FUT8: variants seen among roughly 807,000 people sequenced by gnomAD.
FUT8 encodes the protein fucosyltransferase 8.
A neutral mutation model predicts 71.3 loss-of-function variants in FUT8; 29 were observed. The observed-to-expected ratio is 0.41, with a 90% CI of 0.30 to 0.55. The LOEUF is 0.55. FUT8 is among the 20% of genes least tolerant of loss of function. FUT8 has a pLI of 0.34. For missense variants in FUT8, 544 were observed against 702.1 expected, an observed-to-expected ratio of 0.77 and a Z score of 2.55; for synonymous variants, 254 against 239.3, an observed-to-expected ratio of 1.06 and a Z score of -0.57.
chr14:65,407,062 TG>T (rs1377131405), upstream of FUT8, among the ~76,000 whole-genome samples: 1 of 152,234 alleles, frequency 6.6e-6, no homozygotes, highest in African/African-American at 2.4e-5. Flanking sequence ...TCGGTTCATC[TG>T]GGCATGTTCA....
chr14:65,563,004 T>C (rs1341489287), intron 3 of FUT8, among the ~76,000 whole-genome samples: 2 of 152,054 alleles, frequency 1.3e-5, no homozygotes, highest in Non-Finnish European at 1.5e-5. Flanking sequence ...CTTCATAATA[T>C]TATTTGGGTC....
rs377030096 is a variant in FUT8 at position 65,610,641 on chromosome 14, G to A, written c.204-5337G>A. On this transcript the variant is annotated intron_variant, in intron 3 of 10. Coordinates refer to ENST00000673929, the MANE Select transcript of FUT8 (RefSeq NM_001371533.1). ...CAACCTCAGGTGATCCGCCTGCCTC[G>A]GCCTCCCAAAGTGCTGGGATTACAG... Among the ~76,000 whole-genome samples, 21 of 151,820 alleles carry A rather than the reference G, an allele frequency of 1.4e-4. 3 individuals are homozygous for A. The highest frequency in any genetic ancestry group is 4.3e-4 in the African/African-American group (18 of 41,472).
intron 1 of FUT8, among the ~76,000 whole-genome samples, chr14:65,417,425 A>G (rs2065234709): frequency 6.6e-6 from 1 of 152,182 alleles, no homozygotes; most frequent in African/African-American, 2.4e-5. Context: ...GGTTTTTCTT[A>G]ATCTCTACAA....
intron 6 of FUT8, among the ~76,000 whole-genome samples, chr14:65,659,944 C>T (rs1348807750): frequency 1.3e-5 from 2 of 152,024 alleles, no homozygotes; most frequent in East Asian, 1.9e-4. Flanking sequence ...GATTCTGAGA[C>T]CTGGGAATTA....
chr14:65,561,747 C>A lies in FUT8; in HGVS notation c.184C>A (p.Arg62=). Residue 62 remains arginine, a synonymous_variant, in exon 3 of 11, where the codon CGA becomes AGA. Transcript: ENST00000673929. ...AAAACAACAGAATGAAGACTTGAGGCGAATGGCCGAATCTCTCCGGTAGGT... is the reference window on the plus strand; with the variant it reads ...AAAACAACAGAATGAAGACTTGAGGAGAATGGCCGAATCTCTCCGGTAGGT... ...RLKQQNEDLR[R]MAESLRIPEG... 2.5e-6 allele frequency: 4 copies of A among 1,612,730 alleles called. No homozygotes were observed. The highest frequency in any genetic ancestry group is 3.4e-6 in the Non-Finnish European group (4 of 1,179,102).
chr14:65,500,856 C>A (rs1286191500), intron 2 of FUT8, among the ~76,000 whole-genome samples: 1 of 152,028 alleles, frequency 6.6e-6, no homozygotes, highest in Non-Finnish European at 1.5e-5. Flanking sequence ...TTTTATTGGC[C>A]TTTTCTTTAT....
the FUT8 span, among the ~76,000 whole-genome samples, chr14:65,370,787 GT>G: frequency 6.6e-6 from 1 of 152,084 alleles, no homozygotes; most frequent in Non-Finnish European, 1.5e-5. Context: ...AAAACAAACC[GT>G]TTATTAACAT....
the FUT8 span, among the ~76,000 whole-genome samples, chr14:65,360,765 A>T: frequency 6.6e-6 from 1 of 152,090 alleles, no homozygotes; most frequent in Non-Finnish European, 1.5e-5. Flanking sequence ...GCTACATTTT[A>T]TTTTTTATTA....
intron 1 of FUT8, among the ~76,000 whole-genome samples, chr14:65,414,906 T>G (rs576877731): frequency 6.6e-6 from 1 of 152,326 alleles, no homozygotes; most frequent in Non-Finnish European, 1.5e-5. Flanking sequence ...CGGCCTTATA[T>G]AGGTTATATT....
intron 7 of FUT8, among the ~76,000 whole-genome samples, chr14:65,686,145 G>C (rs1594895995): frequency 6.6e-6 from 1 of 152,324 alleles, no homozygotes; most frequent in Non-Finnish European, 1.5e-5. Flanking sequence ...ACCATGTGGA[G>C]AAGACACCTC....
chr14:65,474,513 C>T (rs950903693), intron 2 of FUT8, among the ~76,000 whole-genome samples: 1 of 149,142 alleles, frequency 6.7e-6, no homozygotes, highest in African/African-American at 2.5e-5. Context: ...CTGGGCGAAT[C>T]GCTTGAACCT....
chr14:65,469,342 A>C (rs1034620765), intron 2 of FUT8, among the ~76,000 whole-genome samples: 1 of 152,076 alleles, frequency 6.6e-6, no homozygotes, highest in African/African-American at 2.4e-5. Flanking sequence ...AGAATGTATC[A>C]GGTAAAAGGA....
intron 2 of FUT8, among the ~76,000 whole-genome samples, chr14:65,498,252 A>G (rs2066591071): frequency 6.6e-6 from 1 of 152,154 alleles, no homozygotes; most frequent in Non-Finnish European, 1.5e-5. Context: ...TAGATTCTTC[A>G]AGTAAAATCT....
chr14:65,653,176 G>GA (rs1891494481), intron 6 of FUT8, among the ~76,000 whole-genome samples: 1 of 152,200 alleles, frequency 6.6e-6, no homozygotes, highest in Non-Finnish European at 1.5e-5. Context: ...TCTTGGTGGA[G>GA]AGGGGATGGT....
intron 2 of FUT8, among the ~76,000 whole-genome samples, chr14:65,476,960 C>T (rs926118131): frequency 6.6e-6 from 1 of 152,160 alleles, no homozygotes; most frequent in African/African-American, 2.4e-5. Context: ...AAATTATATA[C>T]TGGATGATTG....
intron 6 of FUT8, among the ~76,000 whole-genome samples, chr14:65,656,254 T>C (rs1296539757): frequency 6.6e-6 from 1 of 151,852 alleles, no homozygotes; most frequent in Non-Finnish European, 1.5e-5. Flanking sequence ...ATAAATTCAG[T>C]GAGGTTGCAG....
intron 2 of FUT8, among the ~76,000 whole-genome samples, chr14:65,520,640 A>C (rs1883018848): frequency 6.6e-6 from 1 of 151,930 alleles, no homozygotes; most frequent in African/African-American, 2.4e-5. Context: ...CCTCCACAAG[A>C]TCATTTTAGT....
the FUT8 span, among the ~76,000 whole-genome samples, chr14:65,373,678 C>T: frequency 6.6e-6 from 1 of 152,182 alleles, no homozygotes; most frequent in Non-Finnish European, 1.5e-5. Context: ...CACGGTGGGT[C>T]AGGGAACTCT....
intron 2 of FUT8, among the ~76,000 whole-genome samples, chr14:65,558,405 A>T (rs1000181051): frequency 3.3e-5 from 5 of 151,944 alleles, no homozygotes; most frequent in Admixed American, 6.6e-5. Flanking sequence ...TATAAGATAT[A>T]TGTTGACAAT....
Sources: gnomAD v4.1 joint callset for allele counts (sites outside exome capture counted in the v4.1 genomes callset) on GRCh38, gnomAD v4.1.1 for gene constraint, MANE v1.5 for transcripts, NCBI Gene and HGNC (gene_info 2026-07-23, HGNC 2026-07-21) for gene names.